ARHGAP32: variants seen among roughly 807,000 people sequenced by gnomAD.
ARHGAP32 encodes the protein rho GTPase-activating protein 32.
A neutral mutation model predicts 186.5 loss-of-function variants in ARHGAP32; 51 were observed. The ratio of observed to expected loss-of-function variants is 0.27; its 90% confidence interval spans 0.22 to 0.35. The LOEUF (loss-of-function observed/expected upper bound fraction) is 0.35. ARHGAP32 is among the 10% of genes least tolerant of loss of function. The pLI is 1.00. For synonymous variants in ARHGAP32, 950 were observed against 964.3 expected (o/e 0.99, Z 0.27); for missense variants, 2,186 against 2,623.5 (o/e 0.83, Z 3.64).
intron 10 of ARHGAP32, among the ~76,000 whole-genome samples, chr11:129,054,968 T>C (rs749436486): frequency 1.6e-4 from 25 of 152,328 alleles, no homozygotes; most frequent in Middle Eastern, 6.8e-3. Context: ...ATACTTAGAA[T>C]AGAACTTGGC....
chr11:129,227,891 G>T (rs1412747149), intron 1 of ARHGAP32, among the ~76,000 whole-genome samples: 3 of 152,090 alleles, frequency 2.0e-5, no homozygotes, highest in Admixed American at 2.0e-4. Flanking sequence ...TGACCTAACA[G>T]ACACCTACAG....
At chr11:129,202,787 C>A (rs1293963616) in intron 1 of ARHGAP32, among the ~76,000 whole-genome samples, 1 of 152,132 alleles carries the variant, frequency 6.6e-6, no homozygotes, top group African/African-American at 2.4e-5. Flanking sequence ...TCACACGCCA[C>A]ATCACTTTGT....
chr11:129,033,060 G>C (rs1939180579), intron 11 of ARHGAP32, among the ~76,000 whole-genome samples: 1 of 152,182 alleles, frequency 6.6e-6, no homozygotes. Flanking sequence ...TGTATATCAG[G>C]ACATTCAATA....
chr11:129,099,101 G>C (rs916262796), intron 5 of ARHGAP32, among the ~76,000 whole-genome samples: 4 of 152,142 alleles, frequency 2.6e-5, no homozygotes, highest in African/African-American at 9.7e-5. Context: ...AGAAAAATGA[G>C]AGAAGTCCCT....
At chr11:129,148,298 G>A (rs1490793182) in intron 2 of ARHGAP32, among the ~76,000 whole-genome samples, 2 of 152,176 alleles carry the variant, frequency 1.3e-5, no homozygotes, top group African/African-American at 4.8e-5. Context: ...CCCAAAGTAT[G>A]AGAGGGAGAA....
At chr11:129,007,337 G>A (rs1026882025) in intron 11 of ARHGAP32, among the ~76,000 whole-genome samples, 1 of 151,992 alleles carries the variant, frequency 6.6e-6, no homozygotes, top group African/African-American at 2.4e-5. Flanking sequence ...TTCACTTGAA[G>A]CCAGCATATC....
intron 6 of ARHGAP32, among the ~76,000 whole-genome samples, chr11:129,072,112 A>G (rs1187314641): frequency 6.6e-6 from 1 of 152,208 alleles, no homozygotes; most frequent in African/African-American, 2.4e-5. Flanking sequence ...GGAATAAGTA[A>G]TAAGTAGTTA....
chr11:129,073,761 AC>A (rs1431379642), intron 6 of ARHGAP32, among the ~76,000 whole-genome samples: 1 of 149,410 alleles, frequency 6.7e-6, no homozygotes, highest in African/African-American at 2.4e-5. Context: ...CAAAAAAAAA[AC>A]AAACAAAAAA....
intron 1 of ARHGAP32, among the ~76,000 whole-genome samples, chr11:129,214,100 A>G: frequency 6.6e-6 from 1 of 152,276 alleles, no homozygotes; most frequent in African/African-American, 2.4e-5. Context: ...TCAAAATCGT[A>G]AAGTTCATCA....
chr11:129,244,862 T>C (rs1369971358), intron 1 of ARHGAP32, among the ~76,000 whole-genome samples: 1 of 151,612 alleles, frequency 6.6e-6, no homozygotes, highest in African/African-American at 2.4e-5. Flanking sequence ...TCACCATCAC[T>C]GGCCATCAGA....
intron 5 of ARHGAP32, among the ~76,000 whole-genome samples, chr11:129,095,384 AAAGTG>A (rs1375956682): frequency 6.6e-6 from 1 of 152,230 alleles, no homozygotes; most frequent in Non-Finnish European, 1.5e-5. Flanking sequence ...TGTAATCACT[AAAGTG>A]ATAAACTAAA....
chr11:129,038,928 C>T (rs1489109473), intron 11 of ARHGAP32, among the ~76,000 whole-genome samples: 1 of 145,718 alleles, frequency 6.9e-6, no homozygotes, highest in East Asian at 2.0e-4. Flanking sequence ...AAAGAATAAG[C>T]AAAGGATATG....
chr11:129,268,490 G>A (rs1260638574), intron 1 of ARHGAP32, among the ~76,000 whole-genome samples: 1 of 152,028 alleles, frequency 6.6e-6, no homozygotes, highest in African/African-American at 2.4e-5. Flanking sequence ...TGATATTAGA[G>A]AAAGGCAGAT....
chr11:129,095,546 C>G (rs775176353), intron 5 of ARHGAP32, among the ~76,000 whole-genome samples: 11 of 152,114 alleles, frequency 7.2e-5, no homozygotes, highest in South Asian at 4.1e-4. Context: ...GAAGCCTCCC[C>G]AAGGACAAGG....
At chr11:129,256,262 T>C (rs1450917873) in intron 1 of ARHGAP32, among the ~76,000 whole-genome samples, 3 of 152,072 alleles carry the variant, frequency 2.0e-5, no homozygotes, top group Non-Finnish European at 4.4e-5. Flanking sequence ...GTATGTTCTA[T>C]GCACGTACTC....
intron 1 of ARHGAP32, among the ~76,000 whole-genome samples, chr11:129,269,253 A>T (rs1339259961): frequency 6.6e-6 from 1 of 152,180 alleles, no homozygotes; most frequent in Non-Finnish European, 1.5e-5. Flanking sequence ...CCTGGGTGAC[A>T]AAATGAGGCC....
rs1330637559 is a variant in ARHGAP32, at chr11:128,966,179, G to C, written c.*2728C>G. ...AATTTTGCCAAAAAGATAAAATCTG[G>C]AGGCATGGCTATGAAAATGTCAATA... On this transcript the variant is annotated 3_prime_UTR_variant, in exon 23 of 23. Transcript: ENST00000682385. 1.8e-4 allele frequency: 27 copies of C among 152,186 alleles called. No homozygotes were observed. The highest frequency in any genetic ancestry group is 1.8e-3 in the Admixed American group (27 of 15,286). The allele number at this position is 152,186 out of a possible 1,614,324, so 9.4% of individuals were successfully genotyped here.
intron 1 of ARHGAP32, among the ~76,000 whole-genome samples, chr11:129,206,896 C>T (rs1198366647): frequency 1.3e-5 from 2 of 151,990 alleles, no homozygotes; most frequent in East Asian, 3.9e-4. Flanking sequence ...TAATGCTATC[C>T]CTCCCATAGC....
chr11:129,058,184 A>T (rs1046196226), intron 10 of ARHGAP32, among the ~76,000 whole-genome samples: 52 of 85,674 alleles, frequency 6.1e-4, no homozygotes, highest in Admixed American at 1.2e-3. Context: ...CAGAAAAAAA[A>T]ATATACACAC....
Sources: gnomAD v4.1 joint callset for allele counts (sites outside exome capture counted in the v4.1 genomes callset) on GRCh38, gnomAD v4.1.1 for gene constraint, MANE v1.5 for transcripts, NCBI Gene and HGNC (gene_info 2026-07-23, HGNC 2026-07-21) for gene names.